Variants in PCMTD1 observed in about 807,000 individuals in gnomAD.
PCMTD1 encodes protein-L-isoaspartate (D-aspartate) O-methyltransferase domain containing 1, also known as protein-L-isoaspartate O-methyltransferase domain-containing protein 1.
Under a neutral mutation model 37.6 loss-of-function variants are expected in PCMTD1, and 12 were observed. That is an observed-to-expected ratio of 0.32 (90% CI 0.20 to 0.52). The LOEUF is 0.52. Ranked by LOEUF, PCMTD1 falls within the 20% of genes least tolerant of loss-of-function variation. The pLI is 0.97. For synonymous variants in PCMTD1, 117 were observed against 135.8 expected (o/e 0.86, Z 0.96); for missense variants, 235 against 421.3 (o/e 0.56, Z 3.87).
chr8:51,893,536 G>C (rs985433925), intron 1 of PCMTD1, among the ~76,000 whole-genome samples: 4 of 152,134 alleles, frequency 2.6e-5, no homozygotes, highest in African/African-American at 9.7e-5. Flanking sequence ...TAAAGAAACT[G>C]TAAGATCAGA....
At chr8:51,826,017 T>A (rs1012106730) in intron 5 of PCMTD1, among the ~76,000 whole-genome samples, 1 of 152,184 alleles carries the variant, frequency 6.6e-6, no homozygotes, top group African/African-American at 2.4e-5. Context: ...TTACTGGGTA[T>A]ATACCCAAAG....
chr8:51,869,344 T>A (rs112132091), intron 1 of PCMTD1, among the ~76,000 whole-genome samples: 17,857 of 152,120 alleles, frequency 0.12, 1,284 homozygotes, highest in East Asian at 0.17. Flanking sequence ...GAGACCAAGG[T>A]GTAGCCACGG....
At chr8:51,885,909 T>C (rs1340370135) in intron 1 of PCMTD1, among the ~76,000 whole-genome samples, 2 of 152,244 alleles carry the variant, frequency 1.3e-5, no homozygotes, top group Middle Eastern at 3.2e-3. Flanking sequence ...GTAATTTGTG[T>C]TATCCAATGA....
intron 1 of PCMTD1, among the ~76,000 whole-genome samples, chr8:51,865,370 CAAGAA>C (rs1235401719): frequency 1.3e-5 from 2 of 152,002 alleles, no homozygotes; most frequent in East Asian, 1.9e-4. Context: ...AAGGACACTA[CAAGAA>C]AAGAAAAGAA....
chr8:51,841,155 G>T (rs16916878), intron 3 of PCMTD1, among the ~76,000 whole-genome samples: 8,955 of 152,108 alleles, frequency 0.059, 498 homozygotes, highest in East Asian at 0.29. Flanking sequence ...CTAACCCTCA[G>T]TTTTCTCATC....
At chr8:51,853,133 C>CA (rs1242538369) in intron 2 of PCMTD1, among the ~76,000 whole-genome samples, 6 of 151,986 alleles carry the variant, frequency 3.9e-5, no homozygotes, top group Non-Finnish European at 7.4e-5. Context: ...TGTTCATTCC[C>CA]AAAAAAGGAC....
At chr8:51,898,510 C>G (rs970304795) in intron 1 of PCMTD1, among the ~76,000 whole-genome samples, 1 of 152,156 alleles carries the variant, frequency 6.6e-6, no homozygotes, top group Admixed American at 6.5e-5. Flanking sequence ...CCAAAACGGC[C>G]CTAAGGGGCC....
intron 1 of PCMTD1, among the ~76,000 whole-genome samples, chr8:51,887,610 A>C (rs1287566537): frequency 4.6e-5 from 7 of 152,138 alleles, no homozygotes; most frequent in Non-Finnish European, 8.8e-5. Context: ...CAAAAAAACA[A>C]AACTATCAAT....
chr8:51,884,532 A>G (rs1563362495), intron 1 of PCMTD1, among the ~76,000 whole-genome samples: 1 of 152,226 alleles, frequency 6.6e-6, no homozygotes, highest in Non-Finnish European at 1.5e-5. Flanking sequence ...GATTAGGCAC[A>G]AAGAAATAGT....
chr8:51,856,223 C>T (rs2038386236), intron 2 of PCMTD1, among the ~76,000 whole-genome samples: 1 of 152,042 alleles, frequency 6.6e-6, no homozygotes, highest in Admixed American at 6.6e-5. Context: ...AGTCATGTCA[C>T]CAAAAAAATA....
At chr8:51,872,604 A>C (rs117483128) in intron 1 of PCMTD1, among the ~76,000 whole-genome samples, 1 of 152,190 alleles carries the variant, frequency 6.6e-6, no homozygotes, top group South Asian at 2.1e-4. Flanking sequence ...GAAAAAAACA[A>C]CACACATTTT....
chr8:51,881,964 G>C (rs190803679), intron 1 of PCMTD1, among the ~76,000 whole-genome samples: 3 of 152,136 alleles, frequency 2.0e-5, no homozygotes, highest in Non-Finnish European at 4.4e-5. Flanking sequence ...TCTCTACCTA[G>C]AAAGTTCTCC....
intron 1 of PCMTD1, among the ~76,000 whole-genome samples, chr8:51,876,443 C>A (rs1169185820): frequency 6.6e-6 from 1 of 152,034 alleles, no homozygotes; most frequent in Non-Finnish European, 1.5e-5. Flanking sequence ...CATATTTTTC[C>A]TTGCTTATGA....
At chr8:51,890,086 C>T (rs2038917047) in intron 1 of PCMTD1, among the ~76,000 whole-genome samples, 1 of 146,778 alleles carries the variant, frequency 6.8e-6, no homozygotes, top group Non-Finnish European at 1.5e-5. Context: ...TGATTACCTC[C>T]CTTTTCTTTA....
chr8:51,863,067 A>T lies in PCMTD1; in HGVS notation c.-95-1821T>A, dbSNP rs537550617. 4.6e-5 allele frequency among the ~76,000 whole-genome samples: 7 copies of T among 151,706 alleles called. No homozygotes were observed. In the East Asian group the frequency reaches 9.7e-4, roughly 21 times the overall value. The stretch of plus-strand genomic sequence containing the variant: ...ATAACATGGCCTTTAGCACAAGTCA[A>T]CTTTTACATCTGGCACTCAGAGTGA... On this transcript the variant is annotated intron_variant, in intron 1 of 5. Coordinates refer to ENST00000522514, the MANE Select transcript of PCMTD1 (RefSeq NM_052937.4).
intron 2 of PCMTD1, among the ~76,000 whole-genome samples, chr8:51,850,279 A>T (rs568358907): frequency 6.6e-6 from 1 of 152,218 alleles, no homozygotes; most frequent in South Asian, 2.1e-4. Flanking sequence ...AACTGTTGTT[A>T]AAAAATTATG....
chr8:51,840,461 A>G (rs1470288259), intron 3 of PCMTD1, among the ~76,000 whole-genome samples: 1 of 152,168 alleles, frequency 6.6e-6, no homozygotes, highest in Non-Finnish European at 1.5e-5. Flanking sequence ...ATAACTTTAA[A>G]GTATATTTAC....
chr8:51,890,146 T>C (rs1185190230), intron 1 of PCMTD1, among the ~76,000 whole-genome samples: 1 of 152,182 alleles, frequency 6.6e-6, no homozygotes, highest in Admixed American at 6.5e-5. Context: ...TTTATATAGA[T>C]CATTGTAGAA....
chr8:51,826,630 A>C (rs964373814), intron 5 of PCMTD1, among the ~76,000 whole-genome samples: 2 of 152,180 alleles, frequency 1.3e-5, no homozygotes, highest in Non-Finnish European at 2.9e-5. Context: ...ATTGTATAGG[A>C]GCCTAGGAGT....
Sources: allele counts gnomAD v4.1 joint callset (sites outside exome capture counted in the v4.1 genomes callset), GRCh38; gene constraint gnomAD v4.1.1; transcripts MANE v1.5; gene names NCBI Gene and HGNC (gene_info 2026-07-23, HGNC 2026-07-21).